Variants in SGPP1 observed in about 807,000 individuals in gnomAD.
The protein encoded by SGPP1 is sphingosine-1-phosphate phosphatase 1, also known as hSPP1.
Under a neutral mutation model 33.0 loss-of-function variants are expected in SGPP1, and 21 were observed. That is an observed-to-expected ratio of 0.64 (90% CI 0.45 to 0.92). SGPP1 has a LOEUF of 0.92. Among genes scored for constraint, SGPP1 ranks in the 40% least tolerant of loss-of-function variants. SGPP1 has a pLI of 0.00. For synonymous variants in SGPP1, 239 were observed against 241.2 expected (o/e 0.99, Z 0.08); for missense variants, 543 against 589.4 (o/e 0.92, Z 0.81).
rs1254789471 is a variant in SGPP1 at position 63,686,209 on chromosome 14, G to A, written c.1222C>T (p.His408Tyr). ...PCDDIRKARQ[H>Y]MEVELPYRYI... is the part of the protein sequence containing the mutation. ...CGATAAGGAAGTTCAACTTCCATGTGCTGTCTTGCTTTTCGAATATCATCA... is the reference window on the plus strand; with the variant it reads ...CGATAAGGAAGTTCAACTTCCATGTACTGTCTTGCTTTTCGAATATCATCA... Residue 408 changes from histidine (H) to tyrosine (Y), a missense_variant, in exon 3 of 3, where the codon CAC becomes TAC. Coordinates refer to ENST00000247225, the MANE Select transcript of SGPP1 (RefSeq NM_030791.4). 1 of 1,613,962 alleles carries A rather than the reference G, an allele frequency of 6.2e-7. No individual in the cohort carries two copies. Among genetic ancestry groups the A allele is most frequent in the Non-Finnish European group, 8.5e-7 (1 of 1,179,864 alleles).
chr14:63,696,271 T>G (rs139981614), intron 2 of SGPP1, among the ~76,000 whole-genome samples: 6,246 of 152,290 alleles, frequency 0.041, 242 homozygotes, highest in Admixed American at 0.11. Flanking sequence ...CAAGACTCCA[T>G]CTCAAAAACA....
intron 2 of SGPP1, among the ~76,000 whole-genome samples, chr14:63,697,035 GC>G (rs1885200442): frequency 6.6e-6 from 1 of 152,086 alleles, no homozygotes; most frequent in Admixed American, 6.6e-5. Context: ...GAGAGGGAGA[GC>G]GGGGGGAGGA....
chr14:63,725,360 C>T (rs926313537), intron 1 of SGPP1, among the ~76,000 whole-genome samples: 3 of 152,196 alleles, frequency 2.0e-5, no homozygotes, highest in Non-Finnish European at 4.4e-5. Flanking sequence ...GGCAACAGAG[C>T]GAGACTCCGT....
chr14:63,725,507 T>G (rs1885861171), intron 1 of SGPP1, among the ~76,000 whole-genome samples: 1 of 152,242 alleles, frequency 6.6e-6, no homozygotes, highest in Non-Finnish European at 1.5e-5. Flanking sequence ...AAAATGACAG[T>G]TTGAAACTAA....
chr14:63,712,657 T>A (rs1885548700), intron 1 of SGPP1, among the ~76,000 whole-genome samples: 1 of 152,180 alleles, frequency 6.6e-6, no homozygotes, highest in South Asian at 2.1e-4. Context: ...TTTTTTTGTA[T>A]TTTTTACTTA....
Position 63,685,510 on chromosome 14 carries a change from CA to C in SGPP1, c.*594del, listed in dbSNP as rs1884951081. ...AATTTGGTCCATTAAAAATGCCTCC[CA>C]TGTTCAACATCATGGATAACATGAA... On this transcript the variant is annotated 3_prime_UTR_variant, in exon 3 of 3. Coordinates refer to ENST00000247225, the MANE Select transcript of SGPP1 (RefSeq NM_030791.4). The C allele has an allele frequency of 6.6e-6, 1 of 152,182 alleles. No homozygotes were observed. The highest frequency in any genetic ancestry group is 2.4e-5 in the African/African-American group (1 of 41,332). 9.4% of individuals were successfully genotyped at this position (152,182 alleles called of 1,614,324 possible). A position where few individuals can be genotyped will look rare whatever the true frequency, so the allele number is the denominator to read the frequency against.
intron 1 of SGPP1, among the ~76,000 whole-genome samples, chr14:63,715,781 A>G (rs1419201328): frequency 6.6e-6 from 1 of 152,146 alleles, no homozygotes; most frequent in African/African-American, 2.4e-5. Flanking sequence ...GCTGAGTACT[A>G]ATCTGTGCAT....
chr14:63,686,629 T>C lies in SGPP1; in HGVS notation c.802A>G (p.Ile268Val), dbSNP rs1307049878. ...LDIIAGFLYT[I>V]LILAVFYPFV... Reference sequence around the variant, plus strand: ...GGATAGAAGACAGCTAAGATTAAAATGGTATATAGGAATCCAGCAATAATA... The same window carrying C: ...GGATAGAAGACAGCTAAGATTAAAACGGTATATAGGAATCCAGCAATAATA... The change falls in exon 3 of 3, where the codon ATT becomes GTT. Residue 268 changes from isoleucine (I) to valine (V), a missense_variant. By Grantham distance (29) the Ile-to-Val change is conservative. Coordinates refer to ENST00000247225, the MANE Select transcript of SGPP1 (RefSeq NM_030791.4). 6.2e-7 allele frequency: 1 copy of C among 1,612,282 alleles called. No homozygotes were observed. Among genetic ancestry groups the C allele is most frequent in the South Asian group, 1.1e-5 (1 of 91,048 alleles).
intron 1 of SGPP1, among the ~76,000 whole-genome samples, chr14:63,702,191 C>T (rs1463167525): frequency 2.6e-5 from 4 of 152,036 alleles, no homozygotes; most frequent in African/African-American, 9.7e-5. Flanking sequence ...TTCAATTTTA[C>T]GATGTCCAAG....
chr14:63,726,075 C>A (rs932771643), intron 1 of SGPP1, among the ~76,000 whole-genome samples: 1 of 152,200 alleles, frequency 6.6e-6, no homozygotes, highest in African/African-American at 2.4e-5. Context: ...GCCATTCTTA[C>A]TATGCACAAT....
intron 1 of SGPP1, among the ~76,000 whole-genome samples, chr14:63,720,108 G>A (rs1885738659): frequency 6.9e-6 from 1 of 143,892 alleles, no homozygotes; most frequent in Admixed American, 7.0e-5. Flanking sequence ...CCGGGCGACA[G>A]AGGGAGCCTG....
At position 63,698,552 on chromosome 14, in the gene SGPP1, GACA is replaced by G. The variant is rs1434474315; in HGVS notation, c.774+14_774+16del. The stretch of plus-strand genomic sequence containing the variant: ...GTCATAAAAAATAAAGTATTAAGAA[GACA>G]ACATTTTCCTTACCAGAATAGAGTG... On this transcript the variant is annotated intron_variant, in intron 2 of 2. Coordinates refer to ENST00000247225, the MANE Select transcript of SGPP1 (RefSeq NM_030791.4). 2 of 1,393,888 alleles carry G rather than the reference GACA, an allele frequency of 1.4e-6. No individual in the cohort carries two copies. The highest frequency in any genetic ancestry group is 2.2e-5 in the Admixed American group (1 of 46,044). 86.3% of individuals were successfully genotyped at this position (1,393,888 alleles called of 1,614,324 possible). A position where few individuals can be genotyped will look rare whatever the true frequency, so the allele number is the denominator to read the frequency against.
chr14:63,719,238 C>T (rs1335486518), intron 1 of SGPP1, among the ~76,000 whole-genome samples: 1 of 150,270 alleles, frequency 6.7e-6, no homozygotes, highest in African/African-American at 2.4e-5. Context: ...TGTCTGACCT[C>T]GGCTGATCCG....
intron 2 of SGPP1, among the ~76,000 whole-genome samples, chr14:63,688,139 T>A (rs1318513460): frequency 3.4e-5 from 5 of 146,272 alleles, no homozygotes; most frequent in Admixed American, 3.4e-4. Flanking sequence ...AATAAATAAA[T>A]AAATAAGTAC....
chr14:63,695,201 C>T (rs920854199), intron 2 of SGPP1, among the ~76,000 whole-genome samples: 14 of 152,096 alleles, frequency 9.2e-5, no homozygotes, highest in Admixed American at 3.3e-4. Context: ...GGACTACAGG[C>T]GCCCGCCACC....
At chr14:63,718,250 A>G (rs1885674318) in intron 1 of SGPP1, among the ~76,000 whole-genome samples, 1 of 151,446 alleles carries the variant, frequency 6.6e-6, no homozygotes, top group South Asian at 2.1e-4. Context: ...TCCATCTCAA[A>G]AAAAAAAAAA....
intron 1 of SGPP1, among the ~76,000 whole-genome samples, chr14:63,711,813 T>C (rs1406598598): frequency 1.3e-5 from 2 of 152,136 alleles, no homozygotes; most frequent in Admixed American, 6.5e-5. Context: ...GCAGATCACT[T>C]GAGGTCAGGA....
chr14:63,719,428 T>C (rs1375646432), intron 1 of SGPP1, among the ~76,000 whole-genome samples: 1 of 152,086 alleles, frequency 6.6e-6, no homozygotes, highest in Admixed American at 6.6e-5. Context: ...CCAGGATGAA[T>C]GTAAATTAGT....
intron 1 of SGPP1, among the ~76,000 whole-genome samples, chr14:63,710,420 C>T (rs1284314151): frequency 6.6e-6 from 1 of 152,102 alleles, no homozygotes; most frequent in Non-Finnish European, 1.5e-5. Flanking sequence ...ATAGACCTAT[C>T]ACTATTTACT....
Sources: allele counts gnomAD v4.1 joint callset (sites outside exome capture counted in the v4.1 genomes callset), GRCh38; gene constraint gnomAD v4.1.1; transcripts MANE v1.5; gene names NCBI Gene and HGNC (gene_info 2026-07-23, HGNC 2026-07-21).